The following TRPM5 variants were observed in gnomAD, a reference collection of about 807,000 sequenced individuals.
TRPM5 encodes transient receptor potential cation channel subfamily M member 5, also known as MLSN1 and TRP-related.
A neutral mutation model predicts 124.9 loss-of-function variants in TRPM5; 121 were observed. That is an observed-to-expected ratio of 0.97 (90% CI 0.84 to 1.13). The LOEUF (loss-of-function observed/expected upper bound fraction) is 1.13, where lower values mean the gene tolerates loss of function less well. Among genes scored for constraint, TRPM5 ranks in the 50% most tolerant of loss-of-function variants. TRPM5 has a pLI of 0.00. For synonymous variants in TRPM5, 781 were observed against 700.5 expected (o/e 1.11, Z -1.81); for missense variants, 1,643 against 1,589.1 (o/e 1.03, Z -0.58).
At chr11:2,427,762 T>C (rs1368900925), upstream of TRPM5, among the ~76,000 whole-genome samples, 2 of 152,194 alleles carry the variant, frequency 1.3e-5, no homozygotes, top group African/African-American at 4.8e-5. Flanking sequence ...CCCTGAAATG[T>C]GATGGGACAG....
At position 2,405,594 on chromosome 11, in the gene TRPM5, C is replaced by G. The variant is rs1326477966; in HGVS notation, c.3325-1G>C. 1.3e-6 allele frequency: 2 copies of G among 1,561,072 alleles called. No homozygotes were observed. Among genetic ancestry groups the G allele is most frequent in the Non-Finnish European group, 8.7e-7 (1 of 1,152,144 alleles). ...ACACGAGCACCGAGCAGTAGTTGATCTGGAGAAGGGAAACACGTCCGGGAA... is the reference window on the plus strand; with the variant it reads ...ACACGAGCACCGAGCAGTAGTTGATGTGGAGAAGGGAAACACGTCCGGGAA... On this transcript the variant is annotated splice_acceptor_variant, in intron 22 of 23. Transcript: ENST00000155858. LOFTEE classifies it high-confidence loss of function.
exon 19 of TRPM5, chr11:2,407,872 C>A (rs376944357): frequency 1.9e-6 from 3 of 1,613,820 alleles, no homozygotes; most frequent in Non-Finnish European, 2.5e-6. Context: ...ATGGTGAGTC[C>A]TCCAGCAGCA....
chr11:2,414,009 G>GGCCCCCCCCCCCCCCCCCCCCC, intron 12 of TRPM5, 52 bp downstream of exon 17: 2 of 1,023,732 alleles, frequency 2.0e-6, no homozygotes, highest in Non-Finnish European at 2.9e-6. Flanking sequence ...GGCCCAGCTC[G>GGCCCCCCCCCCCCCCCCCCCCC]CCCGCCCACC....
chr11:2,442,405 ACACACACAC>A, the TRPM5 span, among the ~76,000 whole-genome samples: 1,739 of 148,978 alleles, frequency 0.012, 35 homozygotes, highest in African/African-American at 0.043. This position sits in a 1 kb window ranked among gnomAD's most constrained non-coding sequence, Gnocchi z 5.9. Flanking sequence ...ACACACACAC[ACACACACAC>A]ACACACAGAG....
intron 7 of TRPM5, among the ~76,000 whole-genome samples, chr11:2,416,515 G>T (rs1845683770): frequency 6.6e-6 from 1 of 152,190 alleles, no homozygotes; most frequent in South Asian, 2.1e-4. Context: ...CGCACGTGAG[G>T]CTCACCAGCC....
At chr11:2,406,389 G>A (rs1850323505) in intron 21 of TRPM5, among the ~76,000 whole-genome samples, 1 of 152,102 alleles carries the variant, frequency 6.6e-6, no homozygotes, top group Non-Finnish European at 1.5e-5. Context: ...CAGGGCTGGA[G>A]GGAAGCCAGG....
At chr11:2,425,478 G>T (rs369060218), upstream of TRPM5, among the ~76,000 whole-genome samples, 1 of 152,202 alleles carries the variant, frequency 6.6e-6, no homozygotes, top group Non-Finnish European at 1.5e-5. Flanking sequence ...TTCATGGTGC[G>T]CCATCTGCAA....
Position 2,407,311 on chromosome 11 carries a change from AC to A in TRPM5, c.2937-12del, listed in dbSNP as rs1850344168. On this transcript the variant is annotated splice_polypyrimidine_tract_variant and intron_variant, in intron 19 of 23. Coordinates refer to ENST00000155858, the Ensembl canonical transcript of TRPM5. Reference sequence around the variant, plus strand: ...ACCTGGAACGTGTAGCTGCAGGGGCACAGCTGAGCCGTCACCTACCGGCTCC... The same window carrying A: ...ACCTGGAACGTGTAGCTGCAGGGGCAAGCTGAGCCGTCACCTACCGGCTCC... 1 of 1,602,904 alleles carries A rather than the reference AC, an allele frequency of 6.2e-7. No homozygotes were observed. Among genetic ancestry groups the A allele is most frequent in the African/African-American group, 1.3e-5 (1 of 74,396 alleles).
chr11:2,415,399 CCA>C lies in TRPM5; in HGVS notation c.1199_1200del (p.Val400GlyfsTer182). 6.3e-7 allele frequency: 1 copy of C among 1,593,424 alleles called. No homozygotes were observed. The highest frequency in any genetic ancestry group is 8.5e-7 in the Non-Finnish European group (1 of 1,177,550). On this transcript the variant is annotated frameshift_variant, in exon 9 of 24. Coordinates refer to ENST00000155858, the Ensembl canonical transcript of TRPM5. LOFTEE classifies it high-confidence loss of function. ...AAGTCGGCCACGTCTGCGCCGTTGTCCACAAAGAGGCGCACAAACTCGGGCTT... is the reference window on the plus strand; with the variant it reads ...AAGTCGGCCACGTCTGCGCCGTTGTCCAAAGAGGCGCACAAACTCGGGCTT...
chr11:2,433,139 G>T, the TRPM5 span, among the ~76,000 whole-genome samples: 1 of 152,242 alleles, frequency 6.6e-6, no homozygotes. Context: ...TACTCTGGGA[G>T]GGCAACCTTG....
At chr11:2,413,215 G>C in exon 14 of TRPM5, 3 of 1,548,674 alleles carry the variant, frequency 1.9e-6, no homozygotes, top group Non-Finnish European at 2.6e-6. Flanking sequence ...TGTCCTCAGG[G>C]GAGCTTCCTC....
intron 13 of TRPM5, 125 bp from the exon 19 acceptor site, chr11:2,413,351 G>A: frequency 7.7e-7 from 1 of 1,306,124 alleles, no homozygotes; most frequent in Non-Finnish European, 1.0e-6. Flanking sequence ...GACCCGCAGG[G>A]AGGCTGGACT....
In TRPM5 at chr11:2,420,396, G is replaced by GA. The variant is rs760216044; in HGVS notation, c.474dup (p.Pro159SerfsTer6). On this transcript the variant is annotated frameshift_variant, in exon 4 of 24. Coordinates refer to ENST00000155858, the Ensembl canonical transcript of TRPM5. LOFTEE classifies it high-confidence loss of function. ...CCGTCATCCTCAGGGTAGTGGACAG[G>GA]AAAATCCTCCTGCGCCCATGCAGGG... 10 of 1,609,042 alleles carry GA rather than the reference G, an allele frequency of 6.2e-6. No individual in the cohort carries two copies. The highest frequency in any genetic ancestry group is 1.7e-5 in the Admixed American group (1 of 59,864).
upstream of TRPM5, among the ~76,000 whole-genome samples, chr11:2,428,002 C>T (rs758630622): frequency 9.9e-5 from 15 of 152,162 alleles, no homozygotes; most frequent in Non-Finnish European, 2.1e-4. The surrounding 1 kb of genome is among the most constrained non-coding windows in gnomAD (Gnocchi z 4.0). Flanking sequence ...GTCCATTCAC[C>T]GGTCAGCACC....
At chr11:2,410,554 A>T in intron 18 of TRPM5, 1 of 311,224 alleles carries the variant, frequency 3.2e-6, no homozygotes, top group Non-Finnish European at 6.5e-6. Context: ...GGGGCTCCTC[A>T]CTGAGTCCCA....
chr11:2,407,788 C>T (rs1850353415), exon 19 of TRPM5: 2 of 1,613,860 alleles, frequency 1.2e-6, no homozygotes, highest in East Asian at 2.2e-5. Flanking sequence ...GGTTCATGAG[C>T]AGCACATTGG....
intron 18 of TRPM5, among the ~76,000 whole-genome samples, chr11:2,408,601 A>AGGGGT (rs1850373775): frequency 6.6e-6 from 1 of 152,166 alleles, no homozygotes; most frequent in Admixed American, 6.5e-5. Context: ...GACACCCTGG[A>AGGGGT]GGGGTGGCAG....
rs1850472848 is a variant in TRPM5 at position 2,412,486 on chromosome 11, G to GT, written c.2356-234dup. 3.9e-5 allele frequency among the ~76,000 whole-genome samples: 6 copies of GT among 152,340 alleles called. No individual in the cohort carries two copies. In the South Asian group the frequency reaches 1.2e-3, roughly 32 times the overall value. On this transcript the variant is annotated intron_variant, in intron 15 of 23. Coordinates refer to ENST00000155858, the Ensembl canonical transcript of TRPM5. Reference sequence around the variant, plus strand: ...CTTTGTGCCCAGGGTCTAGGGATCAGTTTATGCAGTGTCTGGACTCAGTCC... The same window carrying GT: ...CTTTGTGCCCAGGGTCTAGGGATCAGTTTTATGCAGTGTCTGGACTCAGTCC...
At chr11:2,406,903 C>G (rs895038715) in intron 20 of TRPM5, 110 bp from the exon 26 acceptor site, 8 of 1,477,456 alleles carry the variant, frequency 5.4e-6, no homozygotes, top group Non-Finnish European at 6.3e-6. Context: ...TGAGTGGGGC[C>G]CAGCCAGGGA....
Sources: gnomAD v4.1 joint callset for allele counts (sites outside exome capture counted in the v4.1 genomes callset) on GRCh38, gnomAD v4.1.1 for gene constraint, Gnocchi (gnomAD v3.1) non-coding constraint, MANE v1.5 for transcripts, NCBI Gene and HGNC (gene_info 2026-07-23, HGNC 2026-07-21) for gene names.